Variants in PLXDC2 observed in about 807,000 individuals in gnomAD.
PLXDC2 encodes plexin domain-containing protein 2.
A neutral mutation model predicts 68.9 loss-of-function variants in PLXDC2; 40 were observed. The ratio of observed to expected loss-of-function variants is 0.58; its 90% CI spans 0.45 to 0.76. The LOEUF is 0.76. Ranked by LOEUF, PLXDC2 falls within the 30% of genes least tolerant of loss-of-function variation. The probability of loss-of-function intolerance (pLI) is 0.00; values close to 1 mark genes in which losing one functional copy is unlikely to be tolerated. For synonymous variants in PLXDC2, 243 were observed against 234.2 expected, an observed-to-expected ratio of 1.04 and a Z score of -0.34; for missense variants, 644 against 661.9, an observed-to-expected ratio of 0.97 and a Z score of 0.30.
chr10:20,231,792 G>C (rs1433611871), intron 12 of PLXDC2, among the ~76,000 whole-genome samples: 1 of 152,080 alleles, frequency 6.6e-6, no homozygotes, highest in Non-Finnish European at 1.5e-5. Flanking sequence ...AAGGCAGGAG[G>C]AGCACTTGAG....
intron 1 of PLXDC2, among the ~76,000 whole-genome samples, chr10:19,896,374 A>G (rs1415232057): frequency 6.6e-6 from 1 of 152,226 alleles, no homozygotes; most frequent in African/African-American, 2.4e-5. Context: ...GCTAGGTTGC[A>G]TTTTGGCTGG....
Position 20,279,804 on chromosome 10 carries a change from A to G in PLXDC2, c.1575A>G (p.Val525=), listed in dbSNP as rs199856955. 93 of 1,613,764 alleles carry G rather than the reference A, an allele frequency of 5.8e-5. No individual in the cohort carries two copies. Among genetic ancestry groups the G allele is most frequent in the Non-Finnish European group, 1.4e-5 (17 of 1,179,852 alleles). ...EPVGEKEGFI[V]SEQC Reference sequence around the variant, plus strand: ...TTGGAGAGAAAGAAGGCTTTATTGTATCAGAGCAGTGCTAAAATTTCTAGG... The same window carrying G: ...TTGGAGAGAAAGAAGGCTTTATTGTGTCAGAGCAGTGCTAAAATTTCTAGG... The change falls in exon 14 of 14, where the codon GTA becomes GTG. Residue 525 remains valine (V), a synonymous_variant. Transcript: ENST00000377252.
intron 10 of PLXDC2, 55 bp from the exon 11 acceptor site, chr10:20,217,371 C>T: frequency 1.3e-6 from 2 of 1,485,292 alleles, no homozygotes; most frequent in Admixed American, 2.0e-5. Flanking sequence ...GATGTAAGTT[C>T]TAAAAATAGA....
chr10:19,894,227 G>A (rs931860271), intron 1 of PLXDC2, among the ~76,000 whole-genome samples: 7 of 150,722 alleles, frequency 4.6e-5, no homozygotes, highest in Non-Finnish European at 7.4e-5. Context: ...CCTTGGAAAC[G>A]TAAAACAAAA....
chr10:19,967,094 C>T (rs907146910), intron 1 of PLXDC2, among the ~76,000 whole-genome samples: 5 of 152,188 alleles, frequency 3.3e-5, no homozygotes, highest in African/African-American at 4.8e-5. Flanking sequence ...TAAAATGTGA[C>T]TATAATGACA....
At chr10:19,930,698 A>G (rs998051063) in intron 1 of PLXDC2, among the ~76,000 whole-genome samples, 2 of 152,166 alleles carry the variant, frequency 1.3e-5, no homozygotes, top group Non-Finnish European at 2.9e-5. Context: ...ACGGTGGCTC[A>G]CACCTGTAAA....
At chr10:20,072,534 A>AGAAAGAAAGAAAAG (rs1415180179) in intron 4 of PLXDC2, among the ~76,000 whole-genome samples, 15 of 106,432 alleles carry the variant, frequency 1.4e-4, no homozygotes, top group Non-Finnish European at 2.1e-4. Context: ...AAAGAAAGAA[A>AGAAAGAAAGAAAAG]GAAAGAAAGA....
intron 1 of PLXDC2, among the ~76,000 whole-genome samples, chr10:19,893,155 G>A (rs1837996834): frequency 1.3e-5 from 2 of 152,090 alleles, no homozygotes; most frequent in Non-Finnish European, 2.9e-5. Context: ...TAGGTGTGGG[G>A]ATTGCTTTCA....
intron 13 of PLXDC2, among the ~76,000 whole-genome samples, chr10:20,247,366 A>C (rs1835612905): frequency 2.0e-5 from 3 of 151,764 alleles, no homozygotes. Context: ...AGTCCAAGCT[A>C]CTTGGGAGGC....
At chr10:20,197,950 C>T (rs1418626903) in intron 9 of PLXDC2, among the ~76,000 whole-genome samples, 1 of 152,144 alleles carries the variant, frequency 6.6e-6, no homozygotes, top group African/African-American at 2.4e-5. Flanking sequence ...AAAAACTAGC[C>T]TGATCTTAAA....
chr10:19,991,929 G>T (rs116906033), intron 1 of PLXDC2, among the ~76,000 whole-genome samples: 2,016 of 152,238 alleles, frequency 0.013, 22 homozygotes, highest in South Asian at 0.028. Flanking sequence ...CCTGGTTGGC[G>T]GACTCAAACT....
At chr10:20,263,046 A>G (rs1835829044) in intron 13 of PLXDC2, among the ~76,000 whole-genome samples, 2 of 152,168 alleles carry the variant, frequency 1.3e-5, no homozygotes, top group Non-Finnish European at 1.5e-5. Flanking sequence ...TCACACCTCC[A>G]AAAAGCAATC....
intron 1 of PLXDC2, among the ~76,000 whole-genome samples, chr10:19,862,860 A>G (rs923293300): frequency 6.6e-6 from 1 of 152,114 alleles, no homozygotes; most frequent in African/African-American, 2.4e-5. Flanking sequence ...TTATTCTTTC[A>G]GAATATAGAA....
Position 20,283,820 on chromosome 10 carries a change from A to G in PLXDC2, c.*4001A>G, listed in dbSNP as rs1836112329. ...TTTATCACTGTAACACTAAGGAGCTATGGCATTAAAATATAAAACTATTTG... is the reference window on the plus strand; with the variant it reads ...TTTATCACTGTAACACTAAGGAGCTGTGGCATTAAAATATAAAACTATTTG... On this transcript the variant is annotated 3_prime_UTR_variant, in exon 14 of 14. Coordinates refer to ENST00000377252, the MANE Select transcript of PLXDC2 (RefSeq NM_032812.9). The G allele has an allele frequency of 6.6e-6, 1 of 152,352 alleles. No homozygotes were observed. Among genetic ancestry groups the G allele is most frequent in the Non-Finnish European group, 1.5e-5 (1 of 68,034 alleles). 9.4% of individuals were successfully genotyped at this position (152,352 alleles called of 1,614,324 possible). A position where few individuals can be genotyped will look rare whatever the true frequency, so the allele number is the denominator to read the frequency against.
At chr10:20,096,206 T>C (rs570174236) in intron 4 of PLXDC2, among the ~76,000 whole-genome samples, 1 of 152,204 alleles carries the variant, frequency 6.6e-6, no homozygotes, top group Non-Finnish European at 1.5e-5. Context: ...AATTAGTATC[T>C]TGTGCATAAC....
chr10:19,911,952 T>C (rs568650061), intron 1 of PLXDC2, among the ~76,000 whole-genome samples: 199 of 152,338 alleles, frequency 1.3e-3, no homozygotes, highest in Admixed American at 2.5e-3. Flanking sequence ...GTCTGCTGTG[T>C]CTCAAAATAT....
rs1387871588 is a variant in PLXDC2, at chr10:20,284,275, C to G, written c.*4456C>G. 2.0e-5 allele frequency: 3 copies of G among 148,170 alleles called. No individual in the cohort carries two copies. Among genetic ancestry groups the G allele is most frequent in the Non-Finnish European group, 4.5e-5 (3 of 67,338 alleles). 9.2% of individuals were successfully genotyped at this position (148,170 alleles called of 1,614,324 possible). ...ATGCCAGAGTCATGGCAGATCCAGC[C>G]TGGACAACATAGTGAGACCCATCTC... On this transcript the variant is annotated 3_prime_UTR_variant, in exon 14 of 14. Coordinates refer to ENST00000377252, the MANE Select transcript of PLXDC2 (RefSeq NM_032812.9).
chr10:20,226,481 A>T (rs898914941), intron 12 of PLXDC2, among the ~76,000 whole-genome samples: 1 of 152,252 alleles, frequency 6.6e-6, no homozygotes, highest in Admixed American at 6.5e-5. Context: ...TTGTTGAACC[A>T]TATGAAATTG....
At chr10:20,015,025 T>C (rs1835186592) in intron 2 of PLXDC2, among the ~76,000 whole-genome samples, 1 of 152,180 alleles carries the variant, frequency 6.6e-6, no homozygotes, top group Non-Finnish European at 1.5e-5. Flanking sequence ...AGAAAATGAT[T>C]TTCAGCTTTG....
Sources: allele counts gnomAD v4.1 joint callset (sites outside exome capture counted in the v4.1 genomes callset), GRCh38; gene constraint gnomAD v4.1.1; transcripts MANE v1.5; gene names NCBI Gene and HGNC (gene_info 2026-07-23, HGNC 2026-07-21).